The following FMN2 variants were observed in gnomAD, a reference collection of about 807,000 sequenced individuals.
FMN2 encodes formin 2.
Under a neutral mutation model 142.3 loss-of-function variants are expected in FMN2, and 51 were observed. The observed-to-expected ratio is 0.36, with a 90% CI of 0.29 to 0.45. FMN2 has a LOEUF of 0.45. FMN2 is among the 20% of genes least tolerant of loss of function. FMN2 has a pLI of 1.00. For missense variants in FMN2, 1,936 were observed against 2,122.8 expected (o/e 0.91, Z 1.73); for synonymous variants, 882 against 869.8 (o/e 1.01, Z -0.25).
intron 15 of FMN2, among the ~76,000 whole-genome samples, chr1:240,433,241 C>G (rs1675236589): frequency 6.6e-6 from 1 of 152,052 alleles, no homozygotes; most frequent in Admixed American, 6.6e-5. Flanking sequence ...TCTTGGAAGT[C>G]TACTCAGATA....
At chr1:240,232,237 G>A (rs12756148) in intron 6 of FMN2, among the ~76,000 whole-genome samples, 49,528 of 146,680 alleles carry the variant, frequency 0.34, 8,819 homozygotes, top group Non-Finnish European at 0.39. Flanking sequence ...CCAACCACCA[G>A]GCCCAGCTAA....
chr1:240,439,112 A>G (rs1426662943), intron 16 of FMN2, among the ~76,000 whole-genome samples: 1 of 151,942 alleles, frequency 6.6e-6, no homozygotes, highest in East Asian at 1.9e-4. Flanking sequence ...GTCTGTACTA[A>G]AAGTACAAAA....
At chr1:240,337,007 T>C (rs914490196) in intron 13 of FMN2, among the ~76,000 whole-genome samples, 8 of 152,036 alleles carry the variant, frequency 5.3e-5, no homozygotes, top group Non-Finnish European at 8.8e-5. Context: ...TACCCAAATG[T>C]AGAATTTCGT....
intron 6 of FMN2, among the ~76,000 whole-genome samples, chr1:240,231,197 C>T (rs1318107943): frequency 1.5e-5 from 2 of 132,430 alleles, no homozygotes; most frequent in Non-Finnish European, 3.2e-5. Flanking sequence ...AAAAAACTCT[C>T]TAATTTGACC....
intron 16 of FMN2, among the ~76,000 whole-genome samples, chr1:240,443,550 C>T (rs1558110033): frequency 6.6e-6 from 1 of 152,038 alleles, no homozygotes; most frequent in South Asian, 2.1e-4. Flanking sequence ...GTCAGGAGTT[C>T]GAGACCAGCC....
chr1:240,116,510 A>T (rs1349745114), intron 1 of FMN2, among the ~76,000 whole-genome samples: 1 of 151,936 alleles, frequency 6.6e-6, no homozygotes, highest in Non-Finnish European at 1.5e-5. Flanking sequence ...GGGGAAGGGA[A>T]TATCATGAGC....
chr1:240,189,223 G>A (rs539277792), intron 4 of FMN2, among the ~76,000 whole-genome samples: 1 of 150,524 alleles, frequency 6.6e-6, no homozygotes, highest in East Asian at 1.9e-4. Flanking sequence ...TAGTAATTGT[G>A]GATAGCAATT....
At chr1:240,463,955 A>C (rs947514763) in intron 16 of FMN2, among the ~76,000 whole-genome samples, 1 of 152,124 alleles carries the variant, frequency 6.6e-6, no homozygotes, top group Non-Finnish European at 1.5e-5. Context: ...GTGAGCTGAG[A>C]TCATGCTACT....
At chr1:240,266,081 G>T (rs982664502) in intron 7 of FMN2, among the ~76,000 whole-genome samples, 2 of 146,042 alleles carry the variant, frequency 1.4e-5, no homozygotes, top group Middle Eastern at 3.6e-3. Flanking sequence ...GTGTAGGTTT[G>T]TTATCTGGGT....
At chr1:240,391,866 G>C (rs1673616645) in intron 14 of FMN2, among the ~76,000 whole-genome samples, 1 of 151,904 alleles carries the variant, frequency 6.6e-6, no homozygotes, top group South Asian at 2.1e-4. Context: ...TTAAGTGATG[G>C]AGTTCTTATG....
At chr1:240,468,800 G>A (rs1017716085) in intron 16 of FMN2, among the ~76,000 whole-genome samples, 2 of 152,094 alleles carry the variant, frequency 1.3e-5, no homozygotes, top group African/African-American at 4.8e-5. Context: ...ATCTGCCACC[G>A]TAAACCAAAT....
chr1:240,392,867 G>T (rs1413412325), intron 15 of FMN2, among the ~76,000 whole-genome samples: 1 of 152,056 alleles, frequency 6.6e-6, no homozygotes, highest in Non-Finnish European at 1.5e-5. Context: ...TCAGAGTTTG[G>T]GTTATCAAAA....
chr1:240,098,987 AT>A (rs1193748323), intron 1 of FMN2, among the ~76,000 whole-genome samples: 2 of 152,196 alleles, frequency 1.3e-5, no homozygotes, highest in Non-Finnish European at 2.9e-5. Context: ...TATTCTAGGT[AT>A]ATTTGCAATC....
At chr1:240,348,882 A>G (rs1672003730) in intron 13 of FMN2, among the ~76,000 whole-genome samples, 1 of 152,282 alleles carries the variant, frequency 6.6e-6, no homozygotes, top group African/African-American at 2.4e-5. Flanking sequence ...TGTTTGCCTC[A>G]CTACATGGAG....
chr1:240,352,000 A>G (rs914905735), intron 13 of FMN2, among the ~76,000 whole-genome samples: 2 of 152,248 alleles, frequency 1.3e-5, no homozygotes, highest in African/African-American at 2.4e-5. Context: ...AAATGAAATA[A>G]TTGTGACCAG....
At chr1:240,383,537 A>G (rs925079634) in intron 14 of FMN2, among the ~76,000 whole-genome samples, 6 of 152,220 alleles carry the variant, frequency 3.9e-5, no homozygotes, top group Non-Finnish European at 7.3e-5. Flanking sequence ...TAAAATCACA[A>G]TGGGATACCA....
intron 16 of FMN2, among the ~76,000 whole-genome samples, chr1:240,446,488 G>T (rs1258659966): frequency 2.0e-5 from 3 of 152,142 alleles, no homozygotes; most frequent in South Asian, 2.1e-4. Flanking sequence ...AGCAAAGTTT[G>T]CAGTAGAACT....
chr1:240,446,157 A>G (rs1056934689), intron 16 of FMN2, among the ~76,000 whole-genome samples: 2 of 152,204 alleles, frequency 1.3e-5, no homozygotes, highest in Non-Finnish European at 2.9e-5. Context: ...AGTTCTTTTT[A>G]AAAAATGGAA....
intron 2 of FMN2, among the ~76,000 whole-genome samples, chr1:240,129,776 A>G (rs1449130472): frequency 6.6e-6 from 1 of 152,052 alleles, no homozygotes; most frequent in Non-Finnish European, 1.5e-5. Flanking sequence ...TGCTGGAATT[A>G]CAGGCATGAG....
Sources: gnomAD v4.1 joint callset for allele counts (sites outside exome capture counted in the v4.1 genomes callset) on GRCh38, gnomAD v4.1.1 for gene constraint, MANE v1.5 for transcripts, NCBI Gene and HGNC (gene_info 2026-07-23, HGNC 2026-07-21) for gene names.